The following FFAR1 variants were observed in gnomAD, a reference collection of about 807,000 sequenced individuals.
The protein encoded by FFAR1 is G-protein coupled receptor 40.
For synonymous variants in FFAR1, 216 were observed against 201.5 expected, an observed-to-expected ratio of 1.07 and a Z score of -0.61; for missense variants, 424 against 396.2, an observed-to-expected ratio of 1.07 and a Z score of -0.60.
At chr19:35,349,771 C>G (rs2066936547), upstream of FFAR1, among the ~76,000 whole-genome samples, 1 of 152,128 alleles carries the variant, frequency 6.6e-6, no homozygotes. Flanking sequence ...ATGTGGAGAG[C>G]TGTGTTGTCA....
At chr19:35,349,672 A>G (rs1358253850), upstream of FFAR1, among the ~76,000 whole-genome samples, 1 of 152,202 alleles carries the variant, frequency 6.6e-6, no homozygotes. Flanking sequence ...AGCTGCCAGG[A>G]GGCCACACAG....
upstream of FFAR1, chr19:35,351,423 A>C: frequency 2.6e-6 from 2 of 779,740 alleles, no homozygotes; most frequent in Non-Finnish European, 4.2e-6. Context: ...CACCAGGTGA[A>C]TTGTAATTCT....
chr19:35,351,595 C>T, exon 1 of FFAR1: 1 of 1,541,330 alleles, frequency 6.5e-7, no homozygotes, highest in South Asian at 1.2e-5. Context: ...TATGTGGCCG[C>T]CTTTGCGCTG....
chr19:35,349,512 C>T (rs569286542), upstream of FFAR1, among the ~76,000 whole-genome samples: 2 of 152,336 alleles, frequency 1.3e-5, no homozygotes, highest in East Asian at 1.9e-4. Flanking sequence ...TCACAGCGGG[C>T]GCTGCACCCC....
chr19:35,353,310 C>T (rs1465041701), exon 1 of FFAR1: 1 of 152,016 alleles, frequency 6.6e-6, no homozygotes, highest in Admixed American at 6.6e-5. Context: ...GTGAGACCCC[C>T]ACCTCTACAA....
In FFAR1 at chr19:35,351,692, C is replaced by T. The variant is rs757549371; in HGVS notation, c.141C>T (p.Asn47=). ...CCCCTAGCCTGGTCTACGCCCTGAA[C>T]CTGGGCTGCTCCGACCTGCTGCTGA... Residue 47 remains asparagine, a synonymous_variant, in exon 1 of 1, where the codon AAC becomes AAT. Coordinates refer to ENST00000246553, the Ensembl canonical transcript of FFAR1. 23 of 1,563,734 alleles carry T rather than the reference C, an allele frequency of 1.5e-5. No homozygotes were observed. The South Asian group carries it at 2.3e-4, about 16-fold the overall frequency.
exon 1 of FFAR1, chr19:35,351,904 G>A (rs1913300989): frequency 1.2e-6 from 2 of 1,613,934 alleles, no homozygotes; most frequent in Non-Finnish European, 1.7e-6. Flanking sequence ...CAAGCCTTCC[G>A]GAGGCCGTGC....
exon 1 of FFAR1, chr19:35,352,395 G>A (rs2066949727): frequency 6.4e-7 from 1 of 1,554,488 alleles, no homozygotes; most frequent in South Asian, 1.2e-5. Context: ...CTTGGGAAGG[G>A]GTCCTGGCCT....
chr19:35,352,217 C>A (rs201401516), exon 1 of FFAR1: 5 of 1,583,588 alleles, frequency 3.2e-6, no homozygotes, highest in Admixed American at 1.8e-5. Context: ...AGCTGCGGGC[C>A]GCCTGGGTGG....
chr19:35,350,540 C>A (rs1230982841), upstream of FFAR1, among the ~76,000 whole-genome samples: 1 of 152,116 alleles, frequency 6.6e-6, no homozygotes, highest in African/African-American at 2.4e-5. Flanking sequence ...TGTGGCCGAG[C>A]CCCCAAGCCC....
At chr19:35,349,150 A>G (rs1213139441), upstream of FFAR1, among the ~76,000 whole-genome samples, 1 of 152,200 alleles carries the variant, frequency 6.6e-6, no homozygotes, top group African/African-American at 2.4e-5. Flanking sequence ...CTGCTGTGCA[A>G]CGTGTAGTAG....
chr19:35,350,236 C>G (rs1190975353), upstream of FFAR1, among the ~76,000 whole-genome samples: 1 of 152,216 alleles, frequency 6.6e-6, no homozygotes, highest in Non-Finnish European at 1.5e-5. Context: ...GGTCGGAAGC[C>G]ACCACCATGG....
chr19:35,352,315 G>T, exon 1 of FFAR1: 5 of 1,552,332 alleles, frequency 3.2e-6, no homozygotes. Flanking sequence ...AATCTAGGAG[G>T]CTCCTGGCGG....
chr19:35,351,632 C>T (rs1321843334), exon 1 of FFAR1: 1 of 1,544,676 alleles, frequency 6.5e-7, no homozygotes, highest in East Asian at 2.4e-5. Context: ...TCCTGGCCAT[C>T]CGAGGCGCGA....
exon 1 of FFAR1, chr19:35,353,041 C>T (rs1210249463): frequency 2.6e-5 from 4 of 154,370 alleles, no homozygotes; most frequent in Admixed American, 1.2e-4. Flanking sequence ...GCAAAGGCTA[C>T]GGAGTTGACT....
exon 1 of FFAR1, chr19:35,352,686 G>A: frequency 5.1e-6 from 3 of 586,170 alleles, no homozygotes; most frequent in South Asian, 4.2e-5. Context: ...TGTCGAGGAA[G>A]TTTGTCCCTT....
exon 1 of FFAR1, chr19:35,352,769 G>A: frequency 2.3e-6 from 1 of 431,796 alleles, no homozygotes; most frequent in Non-Finnish European, 4.3e-6. Context: ...CAGAGGCCTT[G>A]TACTTACGGG....
exon 1 of FFAR1, chr19:35,352,324 G>A (rs1467033207): frequency 4.5e-6 from 7 of 1,552,124 alleles, no homozygotes; most frequent in South Asian, 1.2e-5. Flanking sequence ...GGCTCCTGGC[G>A]GAAGCTGGGG....
chr19:35,350,378 G>A (rs1351220302), upstream of FFAR1, among the ~76,000 whole-genome samples: 1 of 152,234 alleles, frequency 6.6e-6, no homozygotes, highest in Non-Finnish European at 1.5e-5. Context: ...CTTGGAGATG[G>A]CTTCATGGCT....
Sources: allele counts gnomAD v4.1 joint callset (sites outside exome capture counted in the v4.1 genomes callset), GRCh38; gene constraint gnomAD v4.1.1; transcripts MANE v1.5; gene names NCBI Gene and HGNC (gene_info 2026-07-23, HGNC 2026-07-21).